SOX6: variants seen among roughly 807,000 people sequenced by gnomAD.
The protein encoded by SOX6 is transcription factor SOX-6.
Under a neutral mutation model 97.8 loss-of-function variants are expected in SOX6, and 11 were observed. The observed-to-expected ratio is 0.11, with a 90% CI of 0.07 to 0.19. The LOEUF (loss-of-function observed/expected upper bound fraction) is 0.19, where lower values mean the gene tolerates loss of function less well. SOX6 is among the 10% of genes least tolerant of loss of function. The pLI is 1.00. For missense variants in SOX6, 810 were observed against 1,039.5 expected (o/e 0.78, Z 3.04); for synonymous variants, 360 against 371.4 (o/e 0.97, Z 0.35).
chr11:16,682,631 A>C (rs1847936796), intron 3 of SOX6, among the ~76,000 whole-genome samples: 1 of 152,242 alleles, frequency 6.6e-6, no homozygotes, highest in Admixed American at 6.5e-5. Flanking sequence ...AGCCAACATC[A>C]TACTGAATGG....
At chr11:16,009,629 T>C (rs1027406402) in intron 13 of SOX6, among the ~76,000 whole-genome samples, 5 of 152,078 alleles carry the variant, frequency 3.3e-5, no homozygotes, top group African/African-American at 1.2e-4. Flanking sequence ...CTCAGAGGCA[T>C]TTGAACAGAT....
chr11:16,205,150 G>A (rs1405232345), intron 4 of SOX6, among the ~76,000 whole-genome samples: 1 of 152,108 alleles, frequency 6.6e-6, no homozygotes, highest in Non-Finnish European at 1.5e-5. Flanking sequence ...AAAGTATTTT[G>A]TGAGACACAA....
intron 4 of SOX6, among the ~76,000 whole-genome samples, chr11:16,549,039 G>T (rs1847650570): frequency 1.3e-5 from 2 of 152,000 alleles, no homozygotes; most frequent in Non-Finnish European, 2.9e-5. Flanking sequence ...AATTTGAAAA[G>T]ACATTGCTCC....
intron 10 of SOX6, among the ~76,000 whole-genome samples, chr11:16,055,077 C>T (rs140640684): frequency 0.014 from 2,113 of 152,192 alleles, 17 homozygotes; most frequent in Middle Eastern, 0.041. Context: ...ACAACTCATT[C>T]CTTAAAGCCC....
At chr11:16,629,796 G>T (rs1212460740) in intron 3 of SOX6, among the ~76,000 whole-genome samples, 4 of 151,944 alleles carry the variant, frequency 2.6e-5, no homozygotes, top group Non-Finnish European at 5.9e-5. Context: ...GTCTGTTCAG[G>T]GTTTCAGTTG....
intron 9 of SOX6, among the ~76,000 whole-genome samples, chr11:16,088,834 A>C (rs2133964753): frequency 6.6e-6 from 1 of 152,316 alleles, no homozygotes; most frequent in African/African-American, 2.4e-5. Flanking sequence ...TGAGCACTGT[A>C]GGCTTGCACT....
At chr11:16,125,838 G>GGAAA (rs1849595421) in intron 6 of SOX6, among the ~76,000 whole-genome samples, 1 of 148,124 alleles carries the variant, frequency 6.8e-6, no homozygotes, top group African/African-American at 2.5e-5. Flanking sequence ...AAGGAAGGAA[G>GGAAA]GAAGGAAGGA....
intron 3 of SOX6, among the ~76,000 whole-genome samples, chr11:16,297,270 T>C (rs1406641272): frequency 6.6e-6 from 1 of 152,164 alleles, no homozygotes; most frequent in Non-Finnish European, 1.5e-5. Flanking sequence ...AGCAAGTGTC[T>C]ACTGTTTCTT....
chr11:16,016,523 C>T (rs1233334065), intron 12 of SOX6, among the ~76,000 whole-genome samples: 1 of 152,042 alleles, frequency 6.6e-6, no homozygotes, highest in East Asian at 1.9e-4. Context: ...AAGTATGGTT[C>T]CCTAATATCT....
chr11:16,680,795 C>G (rs1847921327), intron 3 of SOX6, among the ~76,000 whole-genome samples: 1 of 152,184 alleles, frequency 6.6e-6, no homozygotes, highest in South Asian at 2.1e-4. Context: ...CAAAAAAACG[C>G]AGGGGCTGCA....
At position 16,148,988 on chromosome 11, in the gene SOX6, G is replaced by A. The variant is rs554227543; in HGVS notation, c.777+34898C>T. ...TGTAAGCATACTCATTTGTCTCCACGTTGTTTCTTCTTCCTTCAAGACTTC... is the reference window on the plus strand; with the variant it reads ...TGTAAGCATACTCATTTGTCTCCACATTGTTTCTTCTTCCTTCAAGACTTC... On this transcript the variant is annotated intron_variant, in intron 6 of 15. Transcript: ENST00000683767. 9.2e-5 allele frequency among the ~76,000 whole-genome samples: 14 copies of A among 152,120 alleles called. No individual in the cohort carries two copies. The East Asian group carries it at 2.3e-3, about 25-fold the overall frequency.
chr11:16,221,552 A>C (rs1306846014), intron 4 of SOX6, among the ~76,000 whole-genome samples: 1 of 152,118 alleles, frequency 6.6e-6, no homozygotes, highest in Non-Finnish European at 1.5e-5. Flanking sequence ...CAACACTTTC[A>C]TTTGAAATAA....
At chr11:16,008,320 T>C (rs1158261095) in intron 13 of SOX6, among the ~76,000 whole-genome samples, 1 of 152,112 alleles carries the variant, frequency 6.6e-6, no homozygotes, top group Non-Finnish European at 1.5e-5. Flanking sequence ...TATATTTCTA[T>C]GTGATTCAGT....
intron 6 of SOX6, among the ~76,000 whole-genome samples, chr11:16,132,469 AAAGAAAG>A (rs1849835128): frequency 1.4e-5 from 2 of 143,710 alleles, no homozygotes; most frequent in South Asian, 4.5e-4. Context: ...AGAAAGAAAG[AAAGAAAG>A]AAAGAAAGAA....
At chr11:16,656,140 G>A (rs777476214) in intron 3 of SOX6, among the ~76,000 whole-genome samples, 5 of 151,724 alleles carry the variant, frequency 3.3e-5, no homozygotes, top group South Asian at 2.1e-4. Context: ...ATACAGTGAC[G>A]CCATCTCAGT....
chr11:16,351,483 C>T (rs149047163), intron 1 of SOX6, among the ~76,000 whole-genome samples: 2 of 152,204 alleles, frequency 1.3e-5, no homozygotes, highest in Non-Finnish European at 2.9e-5. Context: ...ATCTTAACTG[C>T]TACTCCCTTC....
chr11:16,281,397 G>T (rs1242063633), intron 3 of SOX6, among the ~76,000 whole-genome samples: 1 of 151,956 alleles, frequency 6.6e-6, no homozygotes, highest in Admixed American at 6.6e-5. Flanking sequence ...AATTACCATT[G>T]AAGATATGAG....
intron 3 of SOX6, among the ~76,000 whole-genome samples, chr11:16,670,832 G>C (rs913866925): frequency 4.0e-5 from 6 of 151,492 alleles, no homozygotes; most frequent in Non-Finnish European, 8.8e-5. Flanking sequence ...CAGAGCTGCA[G>C]TGGGCAGCCC....
intron 6 of SOX6, among the ~76,000 whole-genome samples, chr11:16,157,722 T>C (rs1000327554): frequency 6.6e-6 from 1 of 152,062 alleles, no homozygotes; most frequent in Non-Finnish European, 1.5e-5. Context: ...GCCACACTTG[T>C]ACTTGTTCAC....
Sources: gnomAD v4.1 joint callset for allele counts (sites outside exome capture counted in the v4.1 genomes callset) on GRCh38, gnomAD v4.1.1 for gene constraint, MANE v1.5 for transcripts, NCBI Gene and HGNC (gene_info 2026-07-23, HGNC 2026-07-21) for gene names.